The following SPAG17 variants were observed in gnomAD, a reference collection of about 807,000 sequenced individuals.
SPAG17 encodes the protein sperm associated antigen 17.
In SPAG17, 169 loss-of-function variants were observed where a neutral mutation model predicts 273.6. That is an observed-to-expected ratio of 0.62 (90% confidence interval 0.55 to 0.70). The LOEUF (loss-of-function observed/expected upper bound fraction) is 0.70, where lower values mean the gene tolerates loss of function less well. SPAG17 is among the 30% of genes least tolerant of loss of function. The probability of loss-of-function intolerance (pLI) is 0.00; values close to 1 mark genes in which losing one functional copy is unlikely to be tolerated. For missense variants in SPAG17, 2,557 were observed against 2,627.8 expected, an observed-to-expected ratio of 0.97 and a Z score of 0.59; for synonymous variants, 825 against 873.2, an observed-to-expected ratio of 0.94 and a Z score of 0.97.
intron 3 of SPAG17, among the ~76,000 whole-genome samples, chr1:118,145,826 T>C (rs1453242678): frequency 1.3e-5 from 2 of 152,154 alleles, no homozygotes; most frequent in Non-Finnish European, 2.9e-5. Context: ...TGTTTTGAAA[T>C]AAGTGAGTCA....
intron 4 of SPAG17, among the ~76,000 whole-genome samples, chr1:118,109,825 G>A (rs913083687): frequency 1.3e-5 from 2 of 151,876 alleles, no homozygotes; most frequent in African/African-American, 4.8e-5. Context: ...GCTAAACAAA[G>A]GTATAAGATC....
intron 3 of SPAG17, among the ~76,000 whole-genome samples, chr1:118,136,374 C>T (rs1658355386): frequency 6.6e-6 from 1 of 152,204 alleles, no homozygotes; most frequent in Non-Finnish European, 1.5e-5. Context: ...CTTCCTCACT[C>T]TCCCCGAATG....
intron 18 of SPAG17, among the ~76,000 whole-genome samples, 167 bp from the exon 19 acceptor site, chr1:118,056,081 C>T (rs1380456206): frequency 6.6e-6 from 1 of 151,924 alleles, no homozygotes; most frequent in Non-Finnish European, 1.5e-5. Context: ...ATCCAGTGAA[C>T]ATATGAAAAC....
At chr1:117,991,039 A>G (rs956460673) in intron 37 of SPAG17, 133 bp from the exon 38 acceptor site, 3 of 481,014 alleles carry the variant, frequency 6.2e-6, no homozygotes, top group African/African-American at 6.1e-5. Flanking sequence ...CTGATATAAA[A>G]TTAATTTTTC....
At chr1:118,002,125 G>A (rs1407974979) in intron 32 of SPAG17, among the ~76,000 whole-genome samples, 2 of 152,178 alleles carry the variant, frequency 1.3e-5, no homozygotes, top group Non-Finnish European at 2.9e-5. Context: ...CCATATATTT[G>A]TGTGGTTTTG....
chr1:118,013,257 C>T (rs190898552), intron 29 of SPAG17, among the ~76,000 whole-genome samples: 14 of 152,268 alleles, frequency 9.2e-5, no homozygotes, highest in East Asian at 1.9e-4. Context: ...TCTGGATGGA[C>T]GTGAGAGTGA....
At chr1:117,963,641 G>C in intron 48 of SPAG17, 158 bp downstream of exon 48, 1 of 578,204 alleles carries the variant, frequency 1.7e-6, no homozygotes, top group Admixed American at 3.1e-5. Flanking sequence ...TGGGATTACA[G>C]GTGTGAGCCA....
chr1:117,992,766 G>C, intron 35 of SPAG17, 118 bp from the exon 36 acceptor site: 1 of 898,208 alleles, frequency 1.1e-6, no homozygotes. Flanking sequence ...GGGACACAGT[G>C]GTGAAAAAAA....
At chr1:117,978,335 G>A (rs1655360324) in intron 43 of SPAG17, among the ~76,000 whole-genome samples, 1 of 152,126 alleles carries the variant, frequency 6.6e-6, no homozygotes, top group South Asian at 2.1e-4. Context: ...CTTCTCTCCT[G>A]TCACTATGGA....
At chr1:118,116,437 C>T (rs1029412305) in intron 3 of SPAG17, among the ~76,000 whole-genome samples, 1 of 152,056 alleles carries the variant, frequency 6.6e-6, no homozygotes, top group Non-Finnish European at 1.5e-5. Flanking sequence ...TTTTCTCCCC[C>T]CTTGGAGTAA....
intron 17 of SPAG17, among the ~76,000 whole-genome samples, chr1:118,072,523 G>C (rs959499053): frequency 1.3e-5 from 2 of 152,186 alleles, no homozygotes; most frequent in Admixed American, 1.3e-4. Context: ...TGTTATGTTT[G>C]AATGTATTGA....
At chr1:118,154,437 A>G (rs1300111980) in intron 1 of SPAG17, among the ~76,000 whole-genome samples, 1 of 152,198 alleles carries the variant, frequency 6.6e-6, no homozygotes, top group East Asian at 1.9e-4. Context: ...GTAAGATGCT[A>G]GCAAATGTGC....
At chr1:118,135,371 A>ATGTGTGTGTGTG (rs57793942) in intron 3 of SPAG17, among the ~76,000 whole-genome samples, 2 of 140,022 alleles carry the variant, frequency 1.4e-5, no homozygotes, top group African/African-American at 5.3e-5. Context: ...AGCTCAAGCA[A>ATGTGTGTGTGTG]TGTGTGTGTG....
intron 31 of SPAG17, among the ~76,000 whole-genome samples, chr1:118,007,277 T>G (rs143846365): frequency 6.6e-6 from 1 of 152,152 alleles, no homozygotes; most frequent in South Asian, 2.1e-4. Flanking sequence ...TCAGAAGAGA[T>G]GAGAGGGATA....
At chr1:118,020,269 C>T (rs1223529269) in intron 28 of SPAG17, among the ~76,000 whole-genome samples, 1 of 151,676 alleles carries the variant, frequency 6.6e-6, no homozygotes, top group Non-Finnish European at 1.5e-5. Context: ...AAATACAAAA[C>T]ACAACAAAAC....
At chr1:118,104,053 A>G (rs1656242473) in intron 4 of SPAG17, among the ~76,000 whole-genome samples, 1 of 152,148 alleles carries the variant, frequency 6.6e-6, no homozygotes, top group Admixed American at 6.6e-5. Flanking sequence ...CTAAAATGCA[A>G]TGGGAAGATT....
intron 20 of SPAG17, among the ~76,000 whole-genome samples, chr1:118,047,676 C>CG (rs1650521971): frequency 6.6e-6 from 1 of 152,168 alleles, no homozygotes; most frequent in Non-Finnish European, 1.5e-5. Context: ...CTCTCCAGCT[C>CG]CAGACTGGCC....
rs1293228716 is a variant in SPAG17, at chr1:117,953,966, A to T, written c.*84T>A. 6.6e-7 allele frequency: 1 copy of T among 1,524,076 alleles called. No homozygotes were observed. Among genetic ancestry groups the T allele is most frequent in the Non-Finnish European group, 9.0e-7 (1 of 1,111,636 alleles). The allele number at this position is 1,524,076 out of a possible 1,614,324, so 94.4% of individuals were successfully genotyped here. A position where few individuals can be genotyped will look rare whatever the true frequency, so the allele number is the denominator to read the frequency against. On this transcript the variant is annotated 3_prime_UTR_variant, in exon 49 of 49. Coordinates refer to ENST00000336338, the MANE Select transcript of SPAG17 (RefSeq NM_206996.4). ...CAGTTTCAGTGTCCTGGGATGATGG[A>T]GTATGTTGTGATGACTTCTTTCCTT...
At chr1:117,977,265 G>A (rs1037383607) in intron 43 of SPAG17, among the ~76,000 whole-genome samples, 5 of 152,166 alleles carry the variant, frequency 3.3e-5, no homozygotes, top group African/African-American at 1.2e-4. Context: ...AGGTTGCAGT[G>A]AGTCAAGATT....
Sources: gnomAD v4.1 joint callset for allele counts (sites outside exome capture counted in the v4.1 genomes callset) on GRCh38, gnomAD v4.1.1 for gene constraint, MANE v1.5 for transcripts, NCBI Gene and HGNC (gene_info 2026-07-23, HGNC 2026-07-21) for gene names.